Variants in AK8 observed in about 807,000 individuals in gnomAD.
The protein encoded by AK8 is ATP-AMP transphosphorylase 8.
AK8 carries 44 observed loss-of-function variants against 54.6 expected under a neutral mutation model. That is an observed-to-expected ratio of 0.81 (90% CI 0.63 to 1.04). AK8 has a LOEUF of 1.04. Ranked by LOEUF, AK8 falls within the 50% of genes least tolerant of loss-of-function variation. AK8 has a pLI of 0.00. For missense variants in AK8, 555 were observed against 613.6 expected (o/e 0.90, Z 1.01); for synonymous variants, 239 against 245.6 (o/e 0.97, Z 0.25).
intron 11 of AK8, among the ~76,000 whole-genome samples, chr9:132,775,810 G>T (rs1839190427): frequency 6.6e-6 from 1 of 152,212 alleles, no homozygotes; most frequent in Non-Finnish European, 1.5e-5. Flanking sequence ...GCCTCTTGGG[G>T]ACAGCACAGC....
At chr9:132,876,649 CGGGGGCAATGTGGGA>C (rs1844114794) in intron 1 of AK8, among the ~76,000 whole-genome samples, 1 of 152,118 alleles carries the variant, frequency 6.6e-6, no homozygotes, top group South Asian at 2.1e-4. Context: ...GATGTTATCA[CGGGGGCAATGTGGGA>C]GGGGAGACCA....
In AK8 at chr9:132,725,693, G is replaced by A; in HGVS notation, c.1435C>T (p.Pro479Ser). 6.4e-7 allele frequency: 1 copy of A among 1,573,256 alleles called. No individual in the cohort carries two copies. Among genetic ancestry groups the A allele is most frequent in the Non-Finnish European group, 8.6e-7 (1 of 1,156,184 alleles). Residue 479 changes from proline to serine, a missense_variant, in exon 13 of 13, where the codon CCC becomes TCC. By Grantham distance (74) the Pro-to-Ser change is moderately conservative. Coordinates refer to ENST00000298545, the MANE Select transcript of AK8 (RefSeq NM_152572.3). The part of the protein sequence containing the change: ...GIINPLPKKI[P>S] The stretch of plus-strand genomic sequence containing the variant: ...CGCTCCTGGCTCTGAACCCATCAGG[G>A]GATTTTCTTGGGCAGGGGATTAATG...
At chr9:132,766,363 C>T (rs1022465289) in intron 11 of AK8, among the ~76,000 whole-genome samples, 1 of 152,210 alleles carries the variant, frequency 6.6e-6, no homozygotes. Context: ...ATCCTCCTGC[C>T]TTGGCCTCCC....
At chr9:132,786,493 T>C (rs1046765097) in intron 11 of AK8, among the ~76,000 whole-genome samples, 2 of 152,248 alleles carry the variant, frequency 1.3e-5, no homozygotes, top group Admixed American at 1.3e-4. Flanking sequence ...GAGGGGGTCC[T>C]GGCAGCAAGG....
At chr9:132,869,174 C>T (rs577432387) in intron 2 of AK8, among the ~76,000 whole-genome samples, 6 of 152,292 alleles carry the variant, frequency 3.9e-5, no homozygotes, top group African/African-American at 7.2e-5. Context: ...AGCAAGACTT[C>T]GTCTCAAAAT....
At chr9:132,755,966 C>T (rs532941406) in intron 11 of AK8, among the ~76,000 whole-genome samples, 4 of 152,192 alleles carry the variant, frequency 2.6e-5, no homozygotes, top group African/African-American at 9.6e-5. Context: ...GGGGTTTCAC[C>T]ATGTTGGCCA....
At chr9:132,756,359 C>A (rs1017244566) in intron 11 of AK8, among the ~76,000 whole-genome samples, 4 of 152,264 alleles carry the variant, frequency 2.6e-5, no homozygotes, top group African/African-American at 9.6e-5. Flanking sequence ...TCGGGCCCAA[C>A]TCTCTCCTAG....
chr9:132,783,589 AAGAG>A (rs201101231), intron 11 of AK8, among the ~76,000 whole-genome samples: 17 of 151,900 alleles, frequency 1.1e-4, no homozygotes, highest in Admixed American at 5.2e-4. Context: ...AAAAAAAAAA[AAGAG>A]AGAGAGACAA....
chr9:132,777,533 C>T (rs933118738), intron 11 of AK8, among the ~76,000 whole-genome samples: 7 of 152,218 alleles, frequency 4.6e-5, no homozygotes, highest in Non-Finnish European at 1.0e-4. Flanking sequence ...AATCTGTTGA[C>T]AACATTATCT....
chr9:132,800,945 G>A (rs1324959386), intron 10 of AK8, among the ~76,000 whole-genome samples: 12 of 137,162 alleles, frequency 8.7e-5, no homozygotes, highest in South Asian at 4.7e-4. Flanking sequence ...TTTTTGAGAC[G>A]GAGTAGTCTC....
At chr9:132,761,983 T>C (rs1213176666) in intron 11 of AK8, among the ~76,000 whole-genome samples, 1 of 152,060 alleles carries the variant, frequency 6.6e-6, no homozygotes, top group African/African-American at 2.4e-5. Context: ...AATTCTTGTG[T>C]CTCAGCCTCC....
chr9:132,745,212 G>A (rs375758727), intron 11 of AK8, among the ~76,000 whole-genome samples: 15 of 152,236 alleles, frequency 9.9e-5, no homozygotes, highest in East Asian at 7.7e-4. Flanking sequence ...ATTATAATGC[G>A]GGGCGGCTGT....
intron 11 of AK8, among the ~76,000 whole-genome samples, chr9:132,744,991 CG>C (rs1165884397): frequency 2.0e-5 from 3 of 151,856 alleles, no homozygotes; most frequent in African/African-American, 7.3e-5. Flanking sequence ...GGGGTGGAGA[CG>C]GGTCCGGGCT....
chr9:132,745,833 TC>T (rs1837624079), intron 11 of AK8, among the ~76,000 whole-genome samples: 1 of 152,152 alleles, frequency 6.6e-6, no homozygotes, highest in Non-Finnish European at 1.5e-5. Context: ...ACCAGGAGCT[TC>T]TTTAAATGCG....
At chr9:132,823,640 G>A (rs1204388080) in intron 8 of AK8, among the ~76,000 whole-genome samples, 1 of 152,218 alleles carries the variant, frequency 6.6e-6, no homozygotes, top group African/African-American at 2.4e-5. Context: ...CTGAACTAGG[G>A]CTGGCTGTGT....
intron 2 of AK8, among the ~76,000 whole-genome samples, chr9:132,868,651 G>T (rs902132608): frequency 1.3e-5 from 2 of 152,184 alleles, no homozygotes; most frequent in Non-Finnish European, 2.9e-5. Context: ...GTCCCCACAG[G>T]AAGAGAAGCT....
intron 11 of AK8, among the ~76,000 whole-genome samples, chr9:132,766,112 A>C (rs1590215087): frequency 1.3e-5 from 2 of 152,348 alleles, no homozygotes; most frequent in East Asian, 3.8e-4. Context: ...ACAATACCTA[A>C]GAATAAATTT....
intron 5 of AK8, among the ~76,000 whole-genome samples, chr9:132,852,517 G>A (rs1270996581): frequency 6.6e-6 from 1 of 151,828 alleles, no homozygotes; most frequent in Non-Finnish European, 1.5e-5. Context: ...GGATGAGGCA[G>A]GAGAATAGCT....
chr9:132,821,727 A>ATATATGTATATT (rs1220806899), intron 9 of AK8, among the ~76,000 whole-genome samples: 1 of 117,068 alleles, frequency 8.5e-6, no homozygotes, highest in Non-Finnish European at 1.8e-5. Context: ...ATGTATATAC[A>ATATATGTATATT]TATATGTATA....
Sources: gnomAD v4.1 joint callset for allele counts (sites outside exome capture counted in the v4.1 genomes callset) on GRCh38, gnomAD v4.1.1 for gene constraint, MANE v1.5 for transcripts, NCBI Gene and HGNC (gene_info 2026-07-23, HGNC 2026-07-21) for gene names.